The following CFAP100 variants were observed in gnomAD, a reference collection of about 807,000 sequenced individuals.
The protein encoded by CFAP100 is cilia- and flagella-associated protein 100.
In CFAP100, 70 loss-of-function variants were observed where a neutral mutation model predicts 81.5. The observed-to-expected ratio is 0.86, with a 90% CI of 0.71 to 1.05. The LOEUF (loss-of-function observed/expected upper bound fraction) is 1.05. CFAP100 is among the 50% of genes least tolerant of loss of function. The probability of loss-of-function intolerance (pLI) is 0.00; values close to 1 mark genes in which losing one functional copy is unlikely to be tolerated. For missense variants in CFAP100, 811 were observed against 776.5 expected, an observed-to-expected ratio of 1.04 and a Z score of -0.53; for synonymous variants, 341 against 314.8, an observed-to-expected ratio of 1.08 and a Z score of -0.88.
rs145096068 is a variant in CFAP100, at chr3:126,435,629, G to A, written c.1699G>A (p.Ala567Thr). Residue 567 changes from alanine (A) to threonine (T), a missense_variant, in exon 16 of 17, where the codon GCC (alanine) becomes ACC (threonine). By Grantham distance (58) the Ala-to-Thr change is moderately conservative. Coordinates refer to ENST00000352312, the MANE Select transcript of CFAP100 (RefSeq NM_182628.3). ...EEHLQRARAR[A>T]QAEIKKKRGR... ...GCATCTGCAGCGGGCCCGGGCGCGC[G>A]CCCAGGCTGAGATCAAGAAGAAGGT... 589 of 1,611,782 alleles carry A rather than the reference G, an allele frequency of 3.7e-4. 1 individual carries two copies. The African/African-American group carries it at 6.6e-3, about 18-fold the overall frequency.
chr3:126,433,522 G>C (rs912328852), intron 14 of CFAP100: 2 of 297,372 alleles, frequency 6.7e-6, no homozygotes, highest in Non-Finnish European at 1.3e-5. Context: ...CAGGCTGAGA[G>C]GGTGAGAGAA....
At chr3:126,399,121 G>A (rs754578374) in intron 2 of CFAP100, among the ~76,000 whole-genome samples, 5 of 152,138 alleles carry the variant, frequency 3.3e-5, no homozygotes, top group Admixed American at 6.5e-5. Context: ...AAGGTAAAAC[G>A]CGGTGCCCCA....
chr3:126,436,544 A>G lies in CFAP100; in HGVS notation c.*140A>G. ...CTCCCTTCCTCACCTGAATAAATTC[A>G]TGTCTCTCTGGAGTCTTGAAGGCCT... On this transcript the variant is annotated 3_prime_UTR_variant, in exon 17 of 17. Transcript: ENST00000352312. The G allele has an allele frequency of 1.6e-6, 1 of 640,294 alleles. No individual in the cohort carries two copies. The highest frequency in any genetic ancestry group is 2.8e-6 in the Non-Finnish European group (1 of 357,626). 39.7% of individuals were successfully genotyped at this position (640,294 alleles called of 1,614,324 possible). A position where few individuals can be genotyped will look rare whatever the true frequency, so the allele number is the denominator to read the frequency against.
intron 3 of CFAP100, among the ~76,000 whole-genome samples, chr3:126,413,122 A>C (rs1304692021): frequency 6.6e-6 from 1 of 152,216 alleles, no homozygotes; most frequent in Non-Finnish European, 1.5e-5. Context: ...GAGTTGCTAG[A>C]CAGAAGCAGA....
chr3:126,434,678 G>A (rs546895225), intron 15 of CFAP100: 4 of 353,990 alleles, frequency 1.1e-5, no homozygotes, highest in African/African-American at 4.1e-5. Context: ...TGGCTAGCAC[G>A]GTCAGCCTCA....
intron 13 of CFAP100, among the ~76,000 whole-genome samples, chr3:126,425,473 A>G (rs73191810): frequency 1.3e-5 from 2 of 152,352 alleles, no homozygotes; most frequent in South Asian, 4.1e-4. Flanking sequence ...TGAATTCTAC[A>G]AAGGAAGAAT....
In CFAP100 at chr3:126,414,170, G is replaced by T. The variant is rs767792014; in HGVS notation, c.216G>T (p.Lys72Asn). 7 of 1,613,026 alleles carry T rather than the reference G, an allele frequency of 4.3e-6. No individual in the cohort carries two copies. The highest frequency in any genetic ancestry group is 5.1e-6 in the Non-Finnish European group (6 of 1,178,964). Reference protein sequence around the residue: ...FFLLRDQERNKALSERQQQKT... With the variant: ...FFLLRDQERNNALSERQQQKT... ...TGCTCAGAGATCAGGAGCGGAATAA[G>T]GCTCTCTCCGTGAGTATCCAGGACA... The change falls in exon 4 of 17, where the codon AAG becomes AAT. Residue 72 changes from lysine to asparagine, a missense_variant. Transcript: ENST00000352312.
intron 5 of CFAP100, among the ~76,000 whole-genome samples, chr3:126,417,844 C>A (rs1160010163): frequency 2.0e-5 from 3 of 152,242 alleles, no homozygotes; most frequent in Non-Finnish European, 2.9e-5. Context: ...CAGGTCCTTT[C>A]CACAGCTCCC....
rs138243077 is a variant in CFAP100, at chr3:126,400,126, A to G, written c.49+4077A>G. The stretch of plus-strand genomic sequence containing the variant: ...GCTCACATTTAGAAATCTTTGACAA[A>G]TGATTGATATCAAGAATATAGAAAG... On this transcript the variant is annotated intron_variant, in intron 2 of 16. Transcript: ENST00000352312. 3.6e-4 allele frequency among the ~76,000 whole-genome samples: 55 copies of G among 152,338 alleles called. No individual in the cohort carries two copies. The East Asian group carries it at 0.01, about 28-fold the overall frequency.
chr3:126,398,572 G>A (rs190934910), intron 2 of CFAP100, among the ~76,000 whole-genome samples: 2 of 152,384 alleles, frequency 1.3e-5, no homozygotes, highest in African/African-American at 2.4e-5. Context: ...ATGGGGTCTA[G>A]AGAGGTTGTT....
At chr3:126,406,473 C>T (rs766905961) in intron 2 of CFAP100, among the ~76,000 whole-genome samples, 8 of 152,214 alleles carry the variant, frequency 5.3e-5, no homozygotes, top group Non-Finnish European at 8.8e-5. Flanking sequence ...GATCTCCGAG[C>T]TGCAAAGTAT....
intron 11 of CFAP100, 84 bp downstream of exon 11, chr3:126,420,313 T>C (rs1277543190): frequency 6.5e-7 from 1 of 1,543,552 alleles, no homozygotes; most frequent in African/African-American, 1.4e-5. Context: ...CAGGTCTGAG[T>C]GCCACAGAAA....
intron 2 of CFAP100, among the ~76,000 whole-genome samples, chr3:126,403,074 G>A (rs1025620620): frequency 2.0e-5 from 3 of 152,180 alleles, no homozygotes; most frequent in Non-Finnish European, 2.9e-5. Context: ...GGGTGGAGCA[G>A]GTTTCGCAGG....
At chr3:126,413,706 G>A (rs990892945) in intron 3 of CFAP100, among the ~76,000 whole-genome samples, 1 of 152,232 alleles carries the variant, frequency 6.6e-6, no homozygotes, top group Admixed American at 6.5e-5. Context: ...AGGGCCATGA[G>A]TTCAGTGTCA....
In CFAP100 at chr3:126,421,685, AC is replaced by A. The variant is rs1377888302; in HGVS notation, c.1082+1459del. Among the ~76,000 whole-genome samples, 5 of 152,156 alleles carry A rather than the reference AC, an allele frequency of 3.3e-5. No individual in the cohort carries two copies. The South Asian group carries it at 1.0e-3, about 32-fold the overall frequency. On this transcript the variant is annotated intron_variant, in intron 11 of 16. Transcript: ENST00000352312. ...ACGACTGCCTATTCCTGAACTCCAC[AC>A]CCAGATGGGTAGCCCCAACATCAGC...
chr3:126,423,997 T>C (rs577438857), intron 13 of CFAP100, among the ~76,000 whole-genome samples: 8 of 152,342 alleles, frequency 5.3e-5, no homozygotes, highest in African/African-American at 1.7e-4. Context: ...CCCCAGTTCA[T>C]AGCAGCACTA....
At chr3:126,428,521 G>A (rs907517827) in intron 13 of CFAP100, among the ~76,000 whole-genome samples, 1 of 152,180 alleles carries the variant, frequency 6.6e-6, no homozygotes, top group Non-Finnish European at 1.5e-5. Flanking sequence ...CTGGACTGTG[G>A]GTGATAATGT....
intron 5 of CFAP100, 166 bp downstream of exon 5, chr3:126,416,674 T>C: frequency 3.5e-6 from 2 of 563,484 alleles, no homozygotes; most frequent in African/African-American, 1.9e-5. Flanking sequence ...TCCAGGGGGG[T>C]CCCAAAGCTC....
At chr3:126,416,271 G>T in intron 4 of CFAP100, 45 bp from the exon 5 acceptor site, 2 of 1,452,348 alleles carry the variant, frequency 1.4e-6, no homozygotes, top group South Asian at 2.6e-5. Flanking sequence ...GCCTGGACGC[G>T]GGTGGGGAGC....
Sources: allele counts gnomAD v4.1 joint callset (sites outside exome capture counted in the v4.1 genomes callset), GRCh38; gene constraint gnomAD v4.1.1; transcripts MANE v1.5; gene names NCBI Gene and HGNC (gene_info 2026-07-23, HGNC 2026-07-21).